RALGAPB: variants seen among roughly 807,000 people sequenced by gnomAD.
The protein encoded by RALGAPB is ral GTPase-activating protein subunit beta.
In RALGAPB, 25 loss-of-function variants were observed where a neutral mutation model predicts 161.1. That is an observed-to-expected ratio of 0.16 (90% CI 0.11 to 0.22). The LOEUF (loss-of-function observed/expected upper bound fraction) is 0.22. Ranked by LOEUF, RALGAPB falls within the 10% of genes least tolerant of loss-of-function variation. The pLI is 1.00. For synonymous variants in RALGAPB, 629 were observed against 626.1 expected (o/e 1.00, Z -0.07); for missense variants, 1,391 against 1,815.2 (o/e 0.77, Z 4.25).
chr20:38,569,831 G>T, intron 26 of RALGAPB, 57 bp from the exon 27 acceptor site: 1 of 1,365,226 alleles, frequency 7.3e-7, no homozygotes, highest in Non-Finnish European at 1.0e-6. Context: ...GTTTTATTAA[G>T]CCAGTTTTTT....
intron 16 of RALGAPB, chr20:38,537,756 A>G (rs746262964): frequency 1.3e-5 from 2 of 152,320 alleles, no homozygotes; most frequent in East Asian, 3.9e-4. Context: ...CACAGCAGCA[A>G]TATGGTGGTG....
chr20:38,561,353 T>G (rs547882767), intron 23 of RALGAPB, among the ~76,000 whole-genome samples: 86 of 152,236 alleles, frequency 5.6e-4, no homozygotes, highest in Non-Finnish European at 7.8e-4. Context: ...TCTGGTTTTG[T>G]GTTTAAGAGG....
chr20:38,516,101 G>A (rs2086115474), intron 6 of RALGAPB, 91 bp from the exon 7 acceptor site: 1 of 979,436 alleles, frequency 1.0e-6, no homozygotes, highest in Non-Finnish European at 1.5e-6. Context: ...CAGAGAAATA[G>A]GCACAGTCCT....
intron 5 of RALGAPB, among the ~76,000 whole-genome samples, chr20:38,506,981 C>T (rs955130160): frequency 5.3e-5 from 8 of 152,092 alleles, no homozygotes; most frequent in Admixed American, 3.9e-4. Context: ...CACCTGTAAT[C>T]CCAGCACTTT....
intron 22 of RALGAPB, among the ~76,000 whole-genome samples, chr20:38,557,861 G>T (rs912887513): frequency 1.3e-5 from 2 of 152,290 alleles, no homozygotes; most frequent in Non-Finnish European, 2.9e-5. Context: ...GCAGGCTTTT[G>T]TGTGGATGTT....
chr20:38,509,256 TAGG>T, intron 6 of RALGAPB, 48 bp downstream of exon 6: 1 of 1,572,768 alleles, frequency 6.4e-7, no homozygotes, highest in Admixed American at 1.7e-5. Flanking sequence ...GTAAGTATCT[TAGG>T]GCAGGAATCA....
intron 10 of RALGAPB, among the ~76,000 whole-genome samples, chr20:38,523,579 T>G (rs1463778569): frequency 6.6e-6 from 1 of 152,238 alleles, no homozygotes; most frequent in Non-Finnish European, 1.5e-5. Flanking sequence ...AAGTCCTACT[T>G]TGTGCCAGAT....
At chr20:38,559,350 A>C (rs916109555) in intron 23 of RALGAPB, among the ~76,000 whole-genome samples, 2 of 152,230 alleles carry the variant, frequency 1.3e-5, no homozygotes, top group African/African-American at 4.8e-5. Flanking sequence ...ATTTCAGTTG[A>C]GGAATGCATA....
At chr20:38,500,050 C>G (rs1047971310) in intron 5 of RALGAPB, 1 of 152,236 alleles carries the variant, frequency 6.6e-6, no homozygotes, top group Non-Finnish European at 1.5e-5. Context: ...TACTTTATAA[C>G]CAAAGTAGGC....
rs191153187 is a variant in RALGAPB, at chr20:38,554,313, A to G, written c.3372+237A>G. 2.0e-3 allele frequency among the ~76,000 whole-genome samples: 304 copies of G among 152,300 alleles called. 4 individuals are homozygous for G. The highest frequency in any genetic ancestry group is 6.7e-3 in the African/African-American group (278 of 41,556). On this transcript the variant is annotated intron_variant, in intron 22 of 29. Coordinates refer to ENST00000262879, the MANE Select transcript of RALGAPB (RefSeq NM_020336.4). ...TGTCTGAGGGGACTGGTTTGATGATACATCTAACTCTGAATTTTCCTAGAT... is the reference window on the plus strand; with the variant it reads ...TGTCTGAGGGGACTGGTTTGATGATGCATCTAACTCTGAATTTTCCTAGAT...
chr20:38,487,588 C>T (rs1201892124), intron 1 of RALGAPB, among the ~76,000 whole-genome samples: 1 of 152,156 alleles, frequency 6.6e-6, no homozygotes, highest in Non-Finnish European at 1.5e-5. Flanking sequence ...GATGCTGACA[C>T]AACTGACCAT....
chr20:38,482,720 C>T (rs1277255223), intron 1 of RALGAPB, among the ~76,000 whole-genome samples: 1 of 151,796 alleles, frequency 6.6e-6, no homozygotes, highest in Non-Finnish European at 1.5e-5. Flanking sequence ...TGAGCCACCG[C>T]GTCTGGTGTA....
At chr20:38,476,553 T>A (rs1175356690) in intron 1 of RALGAPB, among the ~76,000 whole-genome samples, 1 of 152,154 alleles carries the variant, frequency 6.6e-6, no homozygotes, top group African/African-American at 2.4e-5. Context: ...CCTGTCTGTG[T>A]GTGCATGGGA....
chr20:38,554,183 ACTGGT>A, intron 22 of RALGAPB, 107 bp downstream of exon 22: 12 of 1,013,728 alleles, frequency 1.2e-5, no homozygotes, highest in Non-Finnish European at 1.7e-5. Context: ...AAAAAAAAAA[ACTGGT>A]TAAAATTTTA....
chr20:38,508,983 A>T, intron 5 of RALGAPB, 94 bp from the exon 6 acceptor site: 1 of 1,356,482 alleles, frequency 7.4e-7, no homozygotes, highest in East Asian at 2.3e-5. Flanking sequence ...TGAGGTACAC[A>T]TGTTTCATCC....
chr20:38,536,053 C>T (rs2086795176), intron 16 of RALGAPB, among the ~76,000 whole-genome samples: 1 of 152,206 alleles, frequency 6.6e-6, no homozygotes, highest in East Asian at 1.9e-4. Context: ...GGTACATTCA[C>T]AATGTTGAGC....
At chr20:38,567,428 C>G (rs1292003121) in intron 26 of RALGAPB, among the ~76,000 whole-genome samples, 196 bp downstream of exon 26, 1 of 152,124 alleles carries the variant, frequency 6.6e-6, no homozygotes, top group African/African-American at 2.4e-5. Context: ...CTGAGACAGC[C>G]TTTGTGGTTT....
chr20:38,568,488 G>C (rs2088095108), intron 26 of RALGAPB: 1 of 152,198 alleles, frequency 6.6e-6, no homozygotes, highest in Admixed American at 6.5e-5. Context: ...AGGCAAGGAT[G>C]CCTGTTCTCA....
At position 38,577,572 on chromosome 20, in the gene RALGAPB, C is replaced by G. The variant is rs572336511; in HGVS notation, c.*2605C>G. ...TTTTCTCCTCCCCTCTGGTTGGGAG[C>G]ACTGAGGACAGTGAGGAGGGCTTTT... is the stretch of plus-strand genomic sequence containing the variant. On this transcript the variant is annotated 3_prime_UTR_variant, in exon 30 of 30. Transcript: ENST00000262879. The G allele has an allele frequency of 2.6e-5, 4 of 152,232 alleles. No homozygotes were observed. Among genetic ancestry groups the G allele is most frequent in the African/African-American group, 7.2e-5 (3 of 41,528 alleles). The allele number at this position is 152,232 out of a possible 1,614,324, so 9.4% of individuals were successfully genotyped here.
Sources: gnomAD v4.1 joint callset for allele counts (sites outside exome capture counted in the v4.1 genomes callset) on GRCh38, gnomAD v4.1.1 for gene constraint, MANE v1.5 for transcripts, NCBI Gene and HGNC (gene_info 2026-07-23, HGNC 2026-07-21) for gene names.